The following MACF1 variants were observed in gnomAD, a reference collection of about 807,000 sequenced individuals.
MACF1 encodes microtubule actin crosslinking factor 1, also known as microtubule-actin cross-linking factor 1.
In MACF1, 193 loss-of-function variants were observed where a neutral mutation model predicts 854.8. The ratio of observed to expected loss-of-function variants is 0.23; its 90% CI spans 0.20 to 0.25. The LOEUF is 0.25. Among genes scored for constraint, MACF1 ranks in the 10% least tolerant of loss-of-function variants. The probability of loss-of-function intolerance (pLI) is 1.00; values close to 1 mark genes in which losing one functional copy is unlikely to be tolerated. For missense variants in MACF1, 7,722 were observed against 8,929.1 expected, an observed-to-expected ratio of 0.86 and a Z score of 5.45; for synonymous variants, 3,185 against 3,226.7, an observed-to-expected ratio of 0.99 and a Z score of 0.44.
At chr1:39,100,245 G>GA (rs954196536) in intron 2 of MACF1, among the ~76,000 whole-genome samples, 2 of 151,854 alleles carry the variant, frequency 1.3e-5, no homozygotes, top group African/African-American at 4.8e-5. Context: ...TAAATAAATA[G>GA]AAAAAAAATT....
At chr1:39,475,469 A>AG (rs1206506620) in intron 97 of MACF1, among the ~76,000 whole-genome samples, 405 of 9,476 alleles carry the variant, frequency 0.043, 2 homozygotes, top group Middle Eastern at 0.062. Context: ...ACCCTGTCTC[A>AG]AAAAAAAAAA....
chr1:39,127,134 A>G (rs1642880382), intron 2 of MACF1, among the ~76,000 whole-genome samples: 1 of 152,334 alleles, frequency 6.6e-6, no homozygotes, highest in East Asian at 1.9e-4. Context: ...AGGCAGGAGA[A>G]TTGCTTGAGC....
Position 39,250,098 on chromosome 1 carries a change from A to G in MACF1, c.256A>G (p.Lys86Glu), listed in dbSNP as rs749561652. The G allele has an allele frequency of 6.2e-7, 1 of 1,610,638 alleles. No homozygotes were observed. The highest frequency in any genetic ancestry group is 2.2e-5 in the East Asian group (1 of 44,844). The part of the protein sequence containing the change: ...ISLLEVLSGI[K>E]LEPAGLKTLR... ...TCTGTTGGAGGTCCTCTCAGGCATC[A>G]AACTGGTGAGCTTCTCCTAATGAAT... The change falls in exon 3 of 101, where the codon AAA becomes GAA. Residue 86 changes from lysine to glutamate, a missense_variant. Coordinates refer to ENST00000564288, the MANE Select transcript of MACF1 (RefSeq NM_001394062.1).
chr1:39,166,182 G>A (rs190052843), intron 2 of MACF1, among the ~76,000 whole-genome samples: 27 of 150,256 alleles, frequency 1.8e-4, no homozygotes, highest in Admixed American at 1.4e-3. Flanking sequence ...ATTCTCCTGC[G>A]TCAGCCTCCC....
intron 29 of MACF1, among the ~76,000 whole-genome samples, chr1:39,317,618 G>T (rs1298563964): frequency 1.3e-5 from 2 of 152,138 alleles, no homozygotes; most frequent in African/African-American, 2.4e-5. Context: ...TGTGTCCCAG[G>T]TCTTTTCTAG....
chr1:39,303,247 G>T (rs1646086850), intron 23 of MACF1, among the ~76,000 whole-genome samples, 169 bp downstream of exon 23: 2 of 152,284 alleles, frequency 1.3e-5, no homozygotes, highest in Middle Eastern at 3.4e-3. Context: ...CCACATAGTA[G>T]ATCTTCAATA....
intron 2 of MACF1, among the ~76,000 whole-genome samples, chr1:39,189,541 G>GT (rs2148245409): frequency 6.6e-6 from 1 of 152,242 alleles, no homozygotes; most frequent in East Asian, 1.9e-4. Flanking sequence ...CAAACCCTGT[G>GT]GTTCATTCTA....
Position 39,084,532 on chromosome 1 carries a change from C to G in MACF1, c.220+94C>G, listed in dbSNP as rs72660075. On this transcript the variant is annotated intron_variant, in intron 2 of 93. Coordinates refer to the MACF1 transcript ENST00000361689. This position sits in a 1 kb window ranked among gnomAD's most constrained non-coding sequence, Gnocchi z 5.2. ...TGTGTGGGGAGCCGAGGGGTCCTCA[C>G]CAGGGCCTCTGACAAAGCAGCCATC... 5.9e-3 allele frequency: 6,011 copies of G among 1,017,082 alleles called. 36 individuals are homozygous for G. Among genetic ancestry groups the G allele is most frequent in the Middle Eastern group, 0.017 (64 of 3,798 alleles). 63.0% of individuals were successfully genotyped at this position (1,017,082 alleles called of 1,614,324 possible).
intron 6 of MACF1, among the ~76,000 whole-genome samples, chr1:39,278,272 A>T (rs190385388): frequency 5.3e-5 from 8 of 152,338 alleles, no homozygotes; most frequent in African/African-American, 1.9e-4. Context: ...ATGAAAGCCA[A>T]ATTTAATTAC....
rs778389311 is a variant in MACF1 at position 39,452,677 on chromosome 1, AT to A, written c.20614-4del. 1 of 1,612,564 alleles carries A rather than the reference AT, an allele frequency of 6.2e-7. No homozygotes were observed. The highest frequency in any genetic ancestry group is 8.5e-7 in the Non-Finnish European group (1 of 1,179,958). Reference sequence around the variant, plus strand: ...GAGGTTGAATCTTTTGTGCTTGGTTATTTCAGGCGGAAGTGTTTCGAGACAC... The same window carrying A: ...GAGGTTGAATCTTTTGTGCTTGGTTATTCAGGCGGAAGTGTTTCGAGACAC... On this transcript the variant is annotated splice_region_variant and splice_polypyrimidine_tract_variant and intron_variant, in intron 86 of 100. Coordinates refer to ENST00000564288, the MANE Select transcript of MACF1 (RefSeq NM_001394062.1).
intron 2 of MACF1, among the ~76,000 whole-genome samples, chr1:39,108,442 G>A (rs1642303352): frequency 6.6e-6 from 1 of 151,750 alleles, no homozygotes. Context: ...ATGGAAGCCA[G>A]AGGAAGGCTG....
chr1:39,342,084 G>A (rs1245491399), intron 40 of MACF1, among the ~76,000 whole-genome samples: 1 of 143,914 alleles, frequency 6.9e-6, no homozygotes, highest in African/African-American at 2.6e-5. Context: ...CCCAGTATCT[G>A]TTGTTCCCCT....
intron 91 of MACF1, chr1:39,459,898 T>C (rs1206051168): frequency 1.4e-5 from 17 of 1,222,486 alleles, no homozygotes; most frequent in Non-Finnish European, 1.7e-5. Flanking sequence ...ATTGGGTTCT[T>C]GGTGCTTTTT....
intron 1 of MACF1, among the ~76,000 whole-genome samples, chr1:39,228,536 TCTA>T (rs1471299812): frequency 8.4e-4 from 128 of 152,306 alleles, no homozygotes; most frequent in African/African-American, 2.8e-3. Context: ...TGAATCAGCA[TCTA>T]AAAAGATCAA....
At chr1:39,304,858 G>A (rs550522525) in intron 23 of MACF1, 63 of 168,122 alleles carry the variant, frequency 3.7e-4, no homozygotes, top group African/African-American at 1.3e-3. Context: ...CACTGTGCCC[G>A]GCCTGAGTGG....
chr1:39,328,368 T>TAA (rs1330845877), intron 36 of MACF1: 1 of 151,722 alleles, frequency 6.6e-6, no homozygotes, highest in Non-Finnish European at 1.5e-5. Context: ...TTTGAAAGGT[T>TAA]AAAAAAGAGG....
intron 6 of MACF1, among the ~76,000 whole-genome samples, chr1:39,270,630 A>G (rs1416155890): frequency 6.6e-6 from 1 of 152,212 alleles, no homozygotes; most frequent in African/African-American, 2.4e-5. Context: ...ATAATTCACC[A>G]ATGGCTAAAG....
chr1:39,419,646 T>C (rs1643456117), intron 58 of MACF1, among the ~76,000 whole-genome samples: 1 of 152,246 alleles, frequency 6.6e-6, no homozygotes, highest in African/African-American at 2.4e-5. Context: ...TTCTTTCTTT[T>C]TTTGAGATGG....
rs751500725 is a variant in MACF1 at position 39,448,135 on chromosome 1, C to T, written c.20071C>T (p.Gln6691Ter). 1 of 1,614,066 alleles carries T rather than the reference C, an allele frequency of 6.2e-7. No individual in the cohort carries two copies. The highest frequency in any genetic ancestry group is 8.5e-7 in the Non-Finnish European group (1 of 1,179,984). ...CAATGACCCAGACAAAATTAAACTT[C>T]AGCTTTCTAAGCATAAGGTAAAGCA... ...ISNDPDKIKL[Q>*]LSKHKEFQKT... The change falls in exon 83 of 101, where the codon CAG (glutamine) becomes TAG (stop). Residue 6691 changes from glutamine to a stop codon, truncating the protein, a stop_gained. Transcript: ENST00000564288. LOFTEE classifies it high-confidence loss of function.
Sources: allele counts gnomAD v4.1 joint callset (sites outside exome capture counted in the v4.1 genomes callset), GRCh38; gene constraint gnomAD v4.1.1; non-coding constraint Gnocchi (gnomAD v3.1); transcripts MANE v1.5; gene names NCBI Gene and HGNC (gene_info 2026-07-23, HGNC 2026-07-21).